ALMS1: variants seen among roughly 807,000 people sequenced by gnomAD.
ALMS1 encodes the protein ALMS1 centrosome and basal body associated protein.
In ALMS1, 271 loss-of-function variants were observed where a neutral mutation model predicts 352.2. The ratio of observed to expected loss-of-function variants is 0.77; its 90% CI spans 0.70 to 0.85. The LOEUF is 0.85. ALMS1 is among the 40% of genes least tolerant of loss of function. The pLI is 0.00. For synonymous variants in ALMS1, 1,865 were observed against 1,761.2 expected, an observed-to-expected ratio of 1.06 and a Z score of -1.48; for missense variants, 5,445 against 4,870.7, an observed-to-expected ratio of 1.12 and a Z score of -3.51.
At position 73,489,669 on chromosome 2, in the gene ALMS1, A is replaced by C. The variant is rs750225944; in HGVS notation, c.7710A>C (p.Pro2570=). The change falls in exon 10 of 23, where the codon CCA becomes CCC. Residue 2570 remains proline, a synonymous_variant. Coordinates refer to ENST00000613296, the MANE Select transcript of ALMS1 (RefSeq NM_001378454.1). ...LQSPRGMGCK[P]EAVCSHIIIE... ...GTCCACGGGGAATGGGATGCAAGCC[A>C]GAAGCTGTATGTAGTCACATTATTA... is the stretch of plus-strand genomic sequence containing the variant. The C allele has an allele frequency of 1.2e-5, 19 of 1,614,058 alleles. No homozygotes were observed. Among genetic ancestry groups the C allele is most frequent in the Non-Finnish European group, 1.4e-5 (16 of 1,180,036 alleles).
chr2:73,600,916 A>G, intron 18 of ALMS1, 35 bp downstream of exon 18: 2 of 1,599,004 alleles, frequency 1.3e-6, no homozygotes, highest in South Asian at 2.2e-5. Flanking sequence ...TAGTAGAGAA[A>G]CTAGTGAATT....
chr2:73,556,584 A>G (rs1674546713), intron 13 of ALMS1, among the ~76,000 whole-genome samples: 1 of 151,964 alleles, frequency 6.6e-6, no homozygotes, highest in South Asian at 2.1e-4. Flanking sequence ...AAGAACTTGA[A>G]AGCATTGTTC....
chr2:73,446,431 A>G (rs1558646845), intron 7 of ALMS1, among the ~76,000 whole-genome samples: 3 of 151,958 alleles, frequency 2.0e-5, no homozygotes, highest in African/African-American at 7.2e-5. Context: ...AACTTTTCTT[A>G]TTTTCTTTAG....
At chr2:73,428,825 G>T (rs1278960811) in intron 6 of ALMS1, among the ~76,000 whole-genome samples, 5 of 152,054 alleles carry the variant, frequency 3.3e-5, no homozygotes, top group Non-Finnish European at 5.9e-5. Flanking sequence ...GGCTTAGCTT[G>T]CTTTCAGGGG....
chr2:73,450,732 C>A lies in ALMS1; in HGVS notation c.4205C>A (p.Thr1402Asn). The change falls in exon 8 of 23, where the codon ACT becomes AAT. Residue 1402 changes from threonine to asparagine, a missense_variant. Physicochemically the swap from Thr to Asn is moderately conservative, Grantham distance 65 (BLOSUM62 0). Transcript: ENST00000613296. ...CAGTCGTTGCCAGGTAGTCATCTAACTGAAGAGGCTAAGAACGTTTCAGCG... is the reference window on the plus strand; with the variant it reads ...CAGTCGTTGCCAGGTAGTCATCTAAATGAAGAGGCTAAGAACGTTTCAGCG... ...YQQSLPGSHL[T>N]EEAKNVSAVP... The A allele has an allele frequency of 1.9e-6, 3 of 1,613,312 alleles. No homozygotes were observed. Among genetic ancestry groups the A allele is most frequent in the Non-Finnish European group, 2.5e-6 (3 of 1,179,640 alleles).
Position 73,419,729 on chromosome 2 carries a change from G to T in ALMS1, c.646+411G>T, listed in dbSNP as rs1671249631. Among the ~76,000 whole-genome samples the T allele has an allele frequency of 2.0e-5, 3 of 152,176 alleles. No individual in the cohort carries two copies. The South Asian group carries it at 6.2e-4, about 31-fold the overall frequency. On this transcript the variant is annotated intron_variant, in intron 3 of 22. Coordinates refer to ENST00000613296, the MANE Select transcript of ALMS1 (RefSeq NM_001378454.1). ...ATTTTTAGAATTAATTAAGGCATAT[G>T]TTATTATCCTTAGCTTTCAAACCAA...
intron 15 of ALMS1, among the ~76,000 whole-genome samples, chr2:73,570,346 G>A (rs575805493): frequency 6.6e-6 from 1 of 152,262 alleles, no homozygotes; most frequent in East Asian, 1.9e-4. Flanking sequence ...AAAGCCACAG[G>A]GAGAGATGAG....
intron 15 of ALMS1, among the ~76,000 whole-genome samples, chr2:73,565,510 C>T (rs1674783292): frequency 6.6e-6 from 1 of 152,118 alleles, no homozygotes. Context: ...TGTAGATATT[C>T]CACCATCAGG....
intron 9 of ALMS1, among the ~76,000 whole-genome samples, chr2:73,486,321 G>T (rs1240551316): frequency 1.3e-5 from 2 of 152,054 alleles, no homozygotes; most frequent in East Asian, 3.9e-4. Context: ...TTTCACTGAC[G>T]CCGCAAGGAA....
chr2:73,517,468 TAA>T (rs1299086173), intron 10 of ALMS1, among the ~76,000 whole-genome samples: 4 of 151,578 alleles, frequency 2.6e-5, no homozygotes, highest in African/African-American at 9.7e-5. Context: ...GGGTGACCTC[TAA>T]CTCCTTGGCT....
At chr2:73,589,639 G>C (rs1333228893) in intron 16 of ALMS1, among the ~76,000 whole-genome samples, 1 of 152,154 alleles carries the variant, frequency 6.6e-6, no homozygotes, top group African/African-American at 2.4e-5. Flanking sequence ...GCTAAGTTTT[G>C]TATTTTCAAA....
chr2:73,595,182 A>G (rs1332610199), intron 16 of ALMS1, among the ~76,000 whole-genome samples: 2 of 152,218 alleles, frequency 1.3e-5, no homozygotes, highest in East Asian at 1.9e-4. Flanking sequence ...CCTCCTTCGC[A>G]GAGGTATACA....
intron 10 of ALMS1, among the ~76,000 whole-genome samples, chr2:73,502,266 T>C (rs889060939): frequency 6.6e-6 from 1 of 152,148 alleles, no homozygotes; most frequent in Non-Finnish European, 1.5e-5. Context: ...GTTCAGTAAC[T>C]CCTCTAAGAT....
chr2:73,572,485 C>A lies in ALMS1; in HGVS notation c.10608C>A (p.Asp3536Glu), dbSNP rs765108975. 1 of 1,613,706 alleles carries A rather than the reference C, an allele frequency of 6.2e-7. No homozygotes were observed. Among genetic ancestry groups the A allele is most frequent in the Non-Finnish European group, 8.5e-7 (1 of 1,179,942 alleles). Reference protein sequence around the residue: ...MCLPLPYQNMDKTKTDYTRIK... With the variant: ...MCLPLPYQNMEKTKTDYTRIK... ...TTCCTCTTCCTTATCAAAACATGGA[C>A]AAGACTAAGACAGATTATACCAGAA... Residue 3536 changes from aspartate to glutamate, a missense_variant, in exon 16 of 23, where the codon GAC (aspartate) becomes GAA (glutamate). Asp to Glu is a conservative substitution (Grantham distance 45). Coordinates refer to ENST00000613296, the MANE Select transcript of ALMS1 (RefSeq NM_001378454.1).
chr2:73,465,929 A>G (rs1672331980), intron 9 of ALMS1, among the ~76,000 whole-genome samples: 1 of 152,234 alleles, frequency 6.6e-6, no homozygotes, highest in Non-Finnish European at 1.5e-5. Flanking sequence ...TCAAAACCAC[A>G]ATGAGATACC....
At chr2:73,503,421 C>T (rs1236524422) in intron 10 of ALMS1, among the ~76,000 whole-genome samples, 1 of 152,154 alleles carries the variant, frequency 6.6e-6, no homozygotes, top group African/African-American at 2.4e-5. Context: ...CTACAAAGGA[C>T]ATGAACTCAT....
chr2:73,424,792 C>G lies in ALMS1; in HGVS notation c.1127C>G (p.Thr376Ser), dbSNP rs762682178. ...TCAGTTGCAACTTCATTTGACATAA[C>G]TGATGAAAACATAGCTACTAAAAGA... ...QVSVATSFDI[T>S]DENIATKRSD... The change falls in exon 5 of 23, where the codon ACT (threonine) becomes AGT (serine). Residue 376 changes from threonine to serine, a missense_variant. Thr to Ser is a moderately conservative substitution (Grantham distance 58, BLOSUM62 1). Coordinates refer to ENST00000613296, the MANE Select transcript of ALMS1 (RefSeq NM_001378454.1). 3.1e-6 allele frequency: 5 copies of G among 1,612,690 alleles called. No homozygotes were observed. The highest frequency in any genetic ancestry group is 3.3e-5 in the Admixed American group (2 of 59,912).
At chr2:73,484,818 A>T (rs1296639332) in intron 9 of ALMS1, among the ~76,000 whole-genome samples, 1 of 151,868 alleles carries the variant, frequency 6.6e-6, no homozygotes, top group Non-Finnish European at 1.5e-5. Context: ...GCTTCATTTC[A>T]TTCATTTCTT....
rs531579087 is a variant in ALMS1 at position 73,542,206 on chromosome 2, G to A, written c.9907+7257G>A. Among the ~76,000 whole-genome samples, 5 of 152,266 alleles carry A rather than the reference G, an allele frequency of 3.3e-5. No individual in the cohort carries two copies. In the South Asian group the frequency reaches 1.0e-3, roughly 32 times the overall value. On this transcript the variant is annotated intron_variant, in intron 12 of 22. Coordinates refer to ENST00000613296, the MANE Select transcript of ALMS1 (RefSeq NM_001378454.1). ...GGCTTCATCCCTGGGATGCAAGGCTGGTTCAACATTCGTAAATCACTAAAT... is the reference window on the plus strand; with the variant it reads ...GGCTTCATCCCTGGGATGCAAGGCTAGTTCAACATTCGTAAATCACTAAAT...
Sources: gnomAD v4.1 joint callset for allele counts (sites outside exome capture counted in the v4.1 genomes callset) on GRCh38, gnomAD v4.1.1 for gene constraint, MANE v1.5 for transcripts, NCBI Gene and HGNC (gene_info 2026-07-23, HGNC 2026-07-21) for gene names.